Variants in NRCAM observed in about 807,000 individuals in gnomAD.
NRCAM encodes neuronal cell adhesion molecule.
NRCAM carries 83 observed loss-of-function variants against 156.5 expected under a neutral mutation model. The ratio of observed to expected loss-of-function variants is 0.53; its 90% CI spans 0.44 to 0.64. The LOEUF is 0.64. Ranked by LOEUF, NRCAM falls within the 30% of genes least tolerant of loss-of-function variation. NRCAM has a pLI of 0.00. For synonymous variants in NRCAM, 538 were observed against 563.9 expected (o/e 0.95, Z 0.65); for missense variants, 1,417 against 1,597.3 (o/e 0.89, Z 1.92).
intron 30 of NRCAM, among the ~76,000 whole-genome samples, chr7:108,164,579 C>G (rs375359934): frequency 4.4e-5 from 6 of 136,586 alleles, no homozygotes; most frequent in Admixed American, 1.4e-4. Context: ...AGAGGAGGAG[C>G]AGGAGCAGGA....
chr7:108,428,795 C>T (rs993161731), intron 1 of NRCAM, among the ~76,000 whole-genome samples: 11 of 152,084 alleles, frequency 7.2e-5, no homozygotes, highest in Non-Finnish European at 1.2e-4. Flanking sequence ...CATCTTACTT[C>T]GTTTGCACTT....
intron 3 of NRCAM, among the ~76,000 whole-genome samples, chr7:108,284,035 C>T (rs561326848): frequency 2.8e-4 from 42 of 152,088 alleles, no homozygotes; most frequent in Middle Eastern, 6.8e-3. Context: ...TTAGTAGAGA[C>T]GGGGTTTCAC....
At chr7:108,213,475 G>A (rs2085924498) in intron 11 of NRCAM, among the ~76,000 whole-genome samples, 1 of 152,126 alleles carries the variant, frequency 6.6e-6, no homozygotes, top group Non-Finnish European at 1.5e-5. Flanking sequence ...ATACAGAACT[G>A]CAGAATGGAT....
chr7:108,331,161 G>A (rs2099122465), intron 2 of NRCAM, among the ~76,000 whole-genome samples: 1 of 152,116 alleles, frequency 6.6e-6, no homozygotes, highest in Non-Finnish European at 1.5e-5. Context: ...TACTTTGGGA[G>A]GCCGAGGCAG....
At chr7:108,401,764 T>C (rs187055148) in intron 1 of NRCAM, among the ~76,000 whole-genome samples, 7 of 152,288 alleles carry the variant, frequency 4.6e-5, no homozygotes, top group African/African-American at 1.7e-4. Context: ...AAAGCTACTC[T>C]CTCTCCCGAC....
intron 1 of NRCAM, among the ~76,000 whole-genome samples, chr7:108,410,128 G>C (rs747768987): frequency 6.6e-5 from 10 of 152,158 alleles, no homozygotes; most frequent in Non-Finnish European, 1.2e-4. Flanking sequence ...TTGTATTTTA[G>C]TACAACTGCT....
chr7:108,271,191 G>A (rs2097332587), intron 3 of NRCAM, among the ~76,000 whole-genome samples: 1 of 152,036 alleles, frequency 6.6e-6, no homozygotes, highest in Non-Finnish European at 1.5e-5. Flanking sequence ...AGCAAGAAGT[G>A]GACTTTTAAA....
At chr7:108,163,431 A>G (rs1417131448) in intron 30 of NRCAM, among the ~76,000 whole-genome samples, 2 of 152,156 alleles carry the variant, frequency 1.3e-5, no homozygotes, top group Non-Finnish European at 2.9e-5. Context: ...GGAAATGGTT[A>G]TTTGTTCTCT....
rs184030899 is a variant in NRCAM at position 108,400,537 on chromosome 7, C to A, written c.-331-944G>T. ...AATCAGAATCTCAGGTGGAATGGCA[C>A]GCAACTGTCAATATTTTGCAAAAGA... On this transcript the variant is annotated intron_variant, in intron 1 of 32. Coordinates refer to ENST00000379028, the MANE Select transcript of NRCAM (RefSeq NM_001037132.4). 2.0e-5 allele frequency among the ~76,000 whole-genome samples: 3 copies of A among 152,138 alleles called. No homozygotes were observed. The East Asian group carries it at 5.8e-4, about 29-fold the overall frequency.
At chr7:108,270,985 C>T (rs751517444) in intron 3 of NRCAM, among the ~76,000 whole-genome samples, 1 of 152,142 alleles carries the variant, frequency 6.6e-6, no homozygotes, top group Admixed American at 6.5e-5. Context: ...CTTAATGCTA[C>T]AGAACTATAC....
At position 108,402,820 on chromosome 7, in the gene NRCAM, T is replaced by G. The variant is rs566443231; in HGVS notation, c.-331-3227A>C. ...GCTGGTGGATGACCCAGGAGGTAGG[T>G]TTGTGCAGAGATACGCTAGAACAAA... On this transcript the variant is annotated intron_variant, in intron 1 of 32. Coordinates refer to ENST00000379028, the MANE Select transcript of NRCAM (RefSeq NM_001037132.4). Among the ~76,000 whole-genome samples the G allele has an allele frequency of 9.2e-5, 14 of 152,184 alleles. No homozygotes were observed. In the East Asian group the frequency reaches 2.7e-3, roughly 29 times the overall value.
At chr7:108,402,814 G>A (rs2099796779) in intron 1 of NRCAM, among the ~76,000 whole-genome samples, 1 of 152,218 alleles carries the variant, frequency 6.6e-6, no homozygotes, top group South Asian at 2.1e-4. Flanking sequence ...TGACCCAGGA[G>A]GTAGGTTTGT....
At chr7:108,186,663 A>G (rs937647542) in intron 20 of NRCAM, among the ~76,000 whole-genome samples, 1 of 152,198 alleles carries the variant, frequency 6.6e-6, no homozygotes, top group Non-Finnish European at 1.5e-5. Context: ...AGAATTACCT[A>G]ATGTTTTCAG....
chr7:108,274,002 C>A (rs2097487051), intron 3 of NRCAM, among the ~76,000 whole-genome samples: 1 of 152,148 alleles, frequency 6.6e-6, no homozygotes, highest in Non-Finnish European at 1.5e-5. Flanking sequence ...ATAGGGAATC[C>A]TTTCCCCATT....
intron 3 of NRCAM, among the ~76,000 whole-genome samples, chr7:108,303,280 C>T (rs1474973649): frequency 6.6e-6 from 1 of 152,042 alleles, no homozygotes; most frequent in African/African-American, 2.4e-5. Context: ...ACATTTTCTA[C>T]TCTGGTCAGT....
chr7:108,429,697 T>G (rs764714844), intron 1 of NRCAM, among the ~76,000 whole-genome samples: 6 of 152,184 alleles, frequency 3.9e-5, no homozygotes, highest in African/African-American at 7.2e-5. Context: ...TTTACTAAGA[T>G]CCTAAGGTGT....
In NRCAM at chr7:108,319,942, G is replaced by C. The variant is rs148312943; in HGVS notation, c.-173-7211C>G. 2.2e-3 allele frequency among the ~76,000 whole-genome samples: 342 copies of C among 152,284 alleles called. 1 individual carries two copies. Among genetic ancestry groups the C allele is most frequent in the African/African-American group, 7.7e-3 (319 of 41,568 alleles). ...CACTGATGTATTTTAAGAAAGCTGA[G>C]GGTGGAAGAGGAATGATTTGATCAC... On this transcript the variant is annotated intron_variant, in intron 2 of 32. Transcript: ENST00000379028.
intron 24 of NRCAM, among the ~76,000 whole-genome samples, chr7:108,181,143 A>C (rs2063238667): frequency 6.6e-6 from 1 of 152,156 alleles, no homozygotes; most frequent in East Asian, 1.9e-4. Context: ...ATGAATTTAA[A>C]GGCATTTTCA....
chr7:108,316,012 C>T (rs1040773288), intron 2 of NRCAM, among the ~76,000 whole-genome samples: 1 of 152,202 alleles, frequency 6.6e-6, no homozygotes, highest in Non-Finnish European at 1.5e-5. Flanking sequence ...TAAATGTAGC[C>T]TTCCATGGTA....
Sources: gnomAD v4.1 joint callset for allele counts (sites outside exome capture counted in the v4.1 genomes callset) on GRCh38, gnomAD v4.1.1 for gene constraint, MANE v1.5 for transcripts, NCBI Gene and HGNC (gene_info 2026-07-23, HGNC 2026-07-21) for gene names.